The following DNAH3 variants were observed in gnomAD, a reference collection of about 807,000 sequenced individuals.
DNAH3 encodes axonemal beta dynein heavy chain 3.
Under a neutral mutation model 432.5 loss-of-function variants are expected in DNAH3, and 332 were observed. The observed-to-expected ratio is 0.77, with a 90% confidence interval of 0.70 to 0.84. The LOEUF (loss-of-function observed/expected upper bound fraction) is 0.84. Ranked by LOEUF, DNAH3 falls within the 40% of genes least tolerant of loss-of-function variation. DNAH3 has a pLI of 0.00. For synonymous variants in DNAH3, 1,956 were observed against 1,900.2 expected (o/e 1.03, Z -0.76); for missense variants, 4,861 against 5,114.0 (o/e 0.95, Z 1.51).
intron 11 of DNAH3, among the ~76,000 whole-genome samples, chr16:21,119,643 CTGGA>C (rs924214394): frequency 1.3e-5 from 2 of 151,428 alleles, no homozygotes. Flanking sequence ...GTTGCCCAGG[CTGGA>C]GTGCAATGGC....
intron 1 of DNAH3, among the ~76,000 whole-genome samples, chr16:21,153,660 T>C (rs1043867672): frequency 6.6e-6 from 1 of 152,176 alleles, no homozygotes; most frequent in African/African-American, 2.4e-5. Context: ...GCTTCACTCC[T>C]GCGCCAGCGA....
exon 53 of DNAH3, chr16:20,964,543 ATCC>A: frequency 1.2e-6 from 2 of 1,614,154 alleles, no homozygotes; most frequent in Non-Finnish European, 1.7e-6. Flanking sequence ...GTTTTCCAGC[ATCC>A]TCATGTAGTT....
intron 37 of DNAH3, among the ~76,000 whole-genome samples, chr16:21,027,460 T>C (rs1486564427): frequency 1.3e-5 from 2 of 152,194 alleles, no homozygotes; most frequent in Non-Finnish European, 2.9e-5. Flanking sequence ...ACATATACTA[T>C]ATAGATCCAC....
chr16:20,982,682 T>A, intron 49 of DNAH3, 39 bp downstream of exon 49: 5 of 1,543,678 alleles, frequency 3.2e-6, no homozygotes, highest in Non-Finnish European at 4.4e-6. Flanking sequence ...GACTTCAAAT[T>A]TGGAATATCT....
intron 1 of DNAH3, among the ~76,000 whole-genome samples, chr16:21,156,573 T>C (rs116298441): frequency 3.9e-4 from 59 of 152,308 alleles, no homozygotes; most frequent in African/African-American, 1.3e-3. Flanking sequence ...TTCACCTTCA[T>C]GACCTAATCA....
intron 40 of DNAH3, among the ~76,000 whole-genome samples, chr16:21,020,713 A>G (rs1029708540): frequency 2.6e-5 from 4 of 151,868 alleles, no homozygotes; most frequent in Non-Finnish European, 5.9e-5. Flanking sequence ...CTTTACTGCA[A>G]TATTTTTATT....
intron 54 of DNAH3, among the ~76,000 whole-genome samples, chr16:20,958,969 T>C (rs2084691992): frequency 6.6e-6 from 1 of 152,150 alleles, no homozygotes; most frequent in Non-Finnish European, 1.5e-5. Context: ...TGTTTTGCAA[T>C]GTTGGCCAGG....
chr16:21,052,830 T>C lies in DNAH3; in HGVS notation c.4040-962A>G, dbSNP rs190801469. Among the ~76,000 whole-genome samples, 3 of 152,208 alleles carry C rather than the reference T, an allele frequency of 2.0e-5. No individual in the cohort carries two copies. The East Asian group carries it at 5.8e-4, about 29-fold the overall frequency. ...CCCATTTCAGGCCCCTAGGATATCC[T>C]AGGAGAATGCAATCAGCGTGGCCTT... On this transcript the variant is annotated intron_variant, in intron 28 of 61. Transcript: ENST00000261383.
intron 53 of DNAH3, among the ~76,000 whole-genome samples, chr16:20,962,959 C>G (rs1470816567): frequency 6.6e-6 from 1 of 152,178 alleles, no homozygotes; most frequent in African/African-American, 2.4e-5. Flanking sequence ...TCTCCGGAAC[C>G]CTCACCAGGT....
chr16:21,069,097 G>T (rs11645895), intron 23 of DNAH3, among the ~76,000 whole-genome samples: 3,594 of 21,924 alleles, frequency 0.16, 148 homozygotes, highest in East Asian at 0.39. Flanking sequence ...GCTAATATTT[G>T]TGTGTGTGTG....
At chr16:21,028,586 G>A (rs549628025) in intron 37 of DNAH3, among the ~76,000 whole-genome samples, 1 of 151,762 alleles carries the variant, frequency 6.6e-6, no homozygotes, top group Non-Finnish European at 1.5e-5. Flanking sequence ...TGCGGGAGGT[G>A]GAGGTTGCAG....
At chr16:20,933,472 G>C in exon 62 of DNAH3, 3 of 1,608,680 alleles carry the variant, frequency 1.9e-6, no homozygotes, top group Non-Finnish European at 1.7e-6. Context: ...CCCCATCTTC[G>C]GGGTTATTCT....
At chr16:21,140,304 A>C (rs1289569525) in intron 5 of DNAH3, 1 of 377,010 alleles carries the variant, frequency 2.7e-6, no homozygotes, top group Non-Finnish European at 4.7e-6. Flanking sequence ...TCAAGGTATC[A>C]ATTTCCATCA....
chr16:21,133,609 G>A (rs984565200), intron 7 of DNAH3, among the ~76,000 whole-genome samples: 1 of 151,584 alleles, frequency 6.6e-6, no homozygotes, highest in Non-Finnish European at 1.5e-5. Flanking sequence ...GCATGGTGGC[G>A]CATGCCTGTA....
At chr16:20,976,182 T>C (rs1012389991) in intron 50 of DNAH3, among the ~76,000 whole-genome samples, 1 of 151,502 alleles carries the variant, frequency 6.6e-6, no homozygotes, top group South Asian at 2.1e-4. Flanking sequence ...CTCTACAAAA[T>C]TTTTTTTTAA....
intron 6 of DNAH3, among the ~76,000 whole-genome samples, chr16:21,135,190 A>G (rs1215091071): frequency 1.3e-5 from 2 of 152,190 alleles, no homozygotes; most frequent in Non-Finnish European, 2.9e-5. Flanking sequence ...GTCTAGTATC[A>G]GGCAGGACAA....
At chr16:21,102,768 C>T (rs1407000590) in intron 16 of DNAH3, among the ~76,000 whole-genome samples, 1 of 152,056 alleles carries the variant, frequency 6.6e-6, no homozygotes, top group Non-Finnish European at 1.5e-5. Context: ...TTTTACTTTC[C>T]TGGTTAGACA....
At chr16:21,019,632 G>A (rs776254797) in exon 41 of DNAH3, 2 of 1,614,032 alleles carry the variant, frequency 1.2e-6, no homozygotes, top group South Asian at 2.2e-5. Context: ...ACCTCTTTCT[G>A]GAAAGATGTT....
At chr16:20,948,105 T>C (rs1226110047) in intron 57 of DNAH3, among the ~76,000 whole-genome samples, 1 of 152,186 alleles carries the variant, frequency 6.6e-6, no homozygotes, top group East Asian at 1.9e-4. Flanking sequence ...CTCAGATTGT[T>C]TTCATCTTCC....
Sources: gnomAD v4.1 joint callset for allele counts (sites outside exome capture counted in the v4.1 genomes callset) on GRCh38, gnomAD v4.1.1 for gene constraint, MANE v1.5 for transcripts, NCBI Gene and HGNC (gene_info 2026-07-23, HGNC 2026-07-21) for gene names.